The following TMC1 variants were observed in gnomAD, a reference collection of about 807,000 sequenced individuals.
TMC1 encodes the protein transmembrane channel like 1.
In TMC1, 84 loss-of-function variants were observed where a neutral mutation model predicts 105.8. The ratio of observed to expected loss-of-function variants is 0.79; its 90% CI spans 0.67 to 0.95. The LOEUF (loss-of-function observed/expected upper bound fraction) is 0.95. Ranked by LOEUF, TMC1 falls within the 40% of genes least tolerant of loss-of-function variation. TMC1 has a pLI of 0.00. For synonymous variants in TMC1, 315 were observed against 311.5 expected, an observed-to-expected ratio of 1.01 and a Z score of -0.12; for missense variants, 817 against 914.1, an observed-to-expected ratio of 0.89 and a Z score of 1.37.
chr9:72,810,236 T>C (rs1828677880), intron 18 of TMC1, among the ~76,000 whole-genome samples: 1 of 150,730 alleles, frequency 6.6e-6, no homozygotes, highest in South Asian at 2.1e-4. Context: ...TAATCAATAA[T>C]ATGGTTTCAG....
chr9:72,752,259 C>T (rs1308226703), intron 11 of TMC1, among the ~76,000 whole-genome samples: 4 of 152,024 alleles, frequency 2.6e-5, no homozygotes, highest in African/African-American at 7.2e-5. Flanking sequence ...GGTCCCTGTT[C>T]CTAAATGTTA....
rs1343609702 is a variant in TMC1, at chr9:72,742,429, T to C, written c.454-15T>C. 1 of 1,611,010 alleles carries C rather than the reference T, an allele frequency of 6.2e-7. No individual in the cohort carries two copies. The highest frequency in any genetic ancestry group is 8.5e-7 in the Non-Finnish European group (1 of 1,177,472). On this transcript the variant is annotated splice_polypyrimidine_tract_variant and intron_variant, in intron 9 of 23. Coordinates refer to ENST00000297784, the MANE Select transcript of TMC1 (RefSeq NM_138691.3). ...AGAGGTTGGACTTTACTTTTGTATT[T>C]GACTTTCTTTTCAGAAATGGGCAAA...
chr9:72,814,248 C>A (rs1828747668), intron 18 of TMC1, among the ~76,000 whole-genome samples: 1 of 152,144 alleles, frequency 6.6e-6, no homozygotes, highest in Admixed American at 6.5e-5. Context: ...ACCGAGTAAG[C>A]ATTTTTCAGA....
At chr9:72,806,346 G>C (rs1292662499) in intron 18 of TMC1, among the ~76,000 whole-genome samples, 1 of 148,998 alleles carries the variant, frequency 6.7e-6, no homozygotes, top group African/African-American at 2.5e-5. Context: ...GGCCGGGTGG[G>C]GGGCTGACCC....
intron 4 of TMC1, among the ~76,000 whole-genome samples, chr9:72,631,881 G>A (rs1390157338): frequency 6.6e-6 from 1 of 152,162 alleles, no homozygotes; most frequent in East Asian, 1.9e-4. Context: ...ACTAAAAGAG[G>A]GCAAGCCTAA....
chr9:72,608,719 A>AT (rs2132117924), intron 2 of TMC1, among the ~76,000 whole-genome samples: 1 of 144,532 alleles, frequency 6.9e-6, no homozygotes, highest in South Asian at 2.2e-4. Flanking sequence ...AAAAAAAAAA[A>AT]GTAAGTTTTG....
chr9:72,705,318 G>C (rs146289469), intron 8 of TMC1, among the ~76,000 whole-genome samples: 82 of 152,312 alleles, frequency 5.4e-4, no homozygotes, highest in African/African-American at 1.8e-3. Flanking sequence ...TGTTACAGTA[G>C]AATAGGTTTT....
chr9:72,628,956 GT>G (rs570702650), intron 4 of TMC1, among the ~76,000 whole-genome samples: 7 of 152,016 alleles, frequency 4.6e-5, no homozygotes, highest in African/African-American at 7.2e-5. Context: ...ATAAGAATCA[GT>G]TTTTTTTAAA....
Position 72,751,884 on chromosome 9 carries a change from C to A in TMC1, c.570C>A (p.Leu190=). The A allele has an allele frequency of 6.2e-7, 1 of 1,613,404 alleles. No individual in the cohort carries two copies. The highest frequency in any genetic ancestry group is 8.5e-7 in the Non-Finnish European group (1 of 1,179,460). ...QFGSSVASYF[L]FLRWMYGVNM... ...GCTCCTCAGTGGCCTCATACTTCCT[C>A]TTCTTGAGATGGATGTATGGAGTCA... Residue 190 remains leucine (L), a synonymous_variant, in exon 11 of 24, where the codon CTC becomes CTA. Transcript: ENST00000297784.
At chr9:72,538,455 G>A (rs1333313010) in intron 1 of TMC1, among the ~76,000 whole-genome samples, 1 of 102,064 alleles carries the variant, frequency 9.8e-6, no homozygotes, top group African/African-American at 4.7e-5. Flanking sequence ...TCGTATTTTT[G>A]AGACAGAGCC....
At chr9:72,776,543 TTG>T (rs1828008003) in intron 13 of TMC1, among the ~76,000 whole-genome samples, 1 of 152,172 alleles carries the variant, frequency 6.6e-6, no homozygotes, top group South Asian at 2.1e-4. Flanking sequence ...ACAAGGTCAT[TTG>T]ACTATAAGAC....
intron 8 of TMC1, among the ~76,000 whole-genome samples, chr9:72,722,692 C>T (rs1827048098): frequency 6.6e-6 from 1 of 152,028 alleles, no homozygotes; most frequent in Non-Finnish European, 1.5e-5. Context: ...ATGTTAATGT[C>T]TTTTTTGTTG....
intron 23 of TMC1, 43 bp from the exon 24 acceptor site, chr9:72,835,908 T>A: frequency 9.6e-6 from 15 of 1,562,784 alleles, no homozygotes; most frequent in Admixed American, 1.7e-5. Flanking sequence ...TCTCTCTCTC[T>A]CTCCTTGTTT....
At chr9:72,680,687 G>A (rs1424394685) in intron 5 of TMC1, among the ~76,000 whole-genome samples, 1 of 151,662 alleles carries the variant, frequency 6.6e-6, no homozygotes, top group Admixed American at 6.6e-5. Flanking sequence ...CTCCCTCACC[G>A]CTAAGCCTTC....
intron 6 of TMC1, among the ~76,000 whole-genome samples, chr9:72,693,319 G>A (rs1826499069): frequency 6.6e-6 from 1 of 152,132 alleles, no homozygotes; most frequent in Non-Finnish European, 1.5e-5. Flanking sequence ...AAAACAACTT[G>A]TGAGATGCTA....
intron 5 of TMC1, among the ~76,000 whole-genome samples, chr9:72,662,068 C>G (rs1428059328): frequency 6.6e-6 from 1 of 152,206 alleles, no homozygotes; most frequent in Non-Finnish European, 1.5e-5. Context: ...TCCCCAGGAT[C>G]TGGATCTGTT....
intron 12 of TMC1, among the ~76,000 whole-genome samples, chr9:72,757,740 G>A (rs1827695564): frequency 1.3e-5 from 2 of 152,132 alleles, no homozygotes; most frequent in African/African-American, 4.8e-5. Flanking sequence ...TCATATCGGT[G>A]CTCGAAACAT....
At chr9:72,746,354 A>G (rs1827489963) in intron 10 of TMC1, among the ~76,000 whole-genome samples, 2 of 152,160 alleles carry the variant, frequency 1.3e-5, no homozygotes, top group East Asian at 3.8e-4. Context: ...CAGAGACTCT[A>G]CCCTCATTGA....
intron 8 of TMC1, among the ~76,000 whole-genome samples, chr9:72,710,663 C>T (rs191929468): frequency 1.3e-5 from 2 of 152,130 alleles, no homozygotes; most frequent in South Asian, 2.1e-4. Context: ...AATAGCTACT[C>T]CTGGTCACTT....
Sources: allele counts gnomAD v4.1 joint callset (sites outside exome capture counted in the v4.1 genomes callset), GRCh38; gene constraint gnomAD v4.1.1; transcripts MANE v1.5; gene names NCBI Gene and HGNC (gene_info 2026-07-23, HGNC 2026-07-21).